PGAP1: variants seen among roughly 807,000 people sequenced by gnomAD.
The protein encoded by PGAP1 is GPI inositol-deacylase.
PGAP1 carries 76 observed loss-of-function variants against 127.0 expected under a neutral mutation model. The observed-to-expected ratio is 0.60, with a 90% confidence interval of 0.50 to 0.72. The LOEUF is 0.72. Among genes scored for constraint, PGAP1 ranks in the 30% least tolerant of loss-of-function variants. The pLI is 0.00. For missense variants in PGAP1, 982 were observed against 1,071.3 expected, an observed-to-expected ratio of 0.92 and a Z score of 1.16; for synonymous variants, 362 against 366.5, an observed-to-expected ratio of 0.99 and a Z score of 0.14.
rs1162513936 is a variant in PGAP1 at position 196,864,113 on chromosome 2, C to T, written c.1861+874G>A. The stretch of plus-strand genomic sequence containing the variant: ...TACTTCTTAAAAAGTAATTTGAGGC[C>T]GGGTCCGGTGGCTCACGCCTGTAGT... On this transcript the variant is annotated intron_variant, in intron 20 of 26. Coordinates refer to ENST00000354764, the MANE Select transcript of PGAP1 (RefSeq NM_024989.4). Among the ~76,000 whole-genome samples the T allele has an allele frequency of 2.6e-5, 4 of 151,636 alleles. No individual in the cohort carries two copies. The South Asian group carries it at 6.3e-4, about 24-fold the overall frequency.
intron 4 of PGAP1, among the ~76,000 whole-genome samples, chr2:196,904,119 C>G (rs925591727): frequency 6.6e-6 from 1 of 152,086 alleles, no homozygotes; most frequent in South Asian, 2.1e-4. Flanking sequence ...TTTTTTCTGC[C>G]TATCTTTAAA....
At chr2:196,890,123 C>T (rs546717217) in intron 10 of PGAP1, among the ~76,000 whole-genome samples, 6 of 151,974 alleles carry the variant, frequency 3.9e-5, no homozygotes, top group South Asian at 2.1e-4. Flanking sequence ...TTTGCAGAGA[C>T]GGGGTTTGAC....
At chr2:196,863,081 G>A (rs960690221) in intron 20 of PGAP1, among the ~76,000 whole-genome samples, 2 of 152,118 alleles carry the variant, frequency 1.3e-5, no homozygotes, top group Non-Finnish European at 2.9e-5. Flanking sequence ...GTGATAATGA[G>A]GATACGGAAA....
chr2:196,884,069 G>T (rs1352123933), intron 12 of PGAP1, among the ~76,000 whole-genome samples: 1 of 152,070 alleles, frequency 6.6e-6, no homozygotes, highest in African/African-American at 2.4e-5. Flanking sequence ...AGATTTAAAA[G>T]AATAATATAA....
At chr2:196,890,805 A>G in intron 10 of PGAP1, 23 bp downstream of exon 10, 1 of 1,384,680 alleles carries the variant, frequency 7.2e-7, no homozygotes, top group South Asian at 1.2e-5. Context: ...TTAAATTTAC[A>G]TAAAATGTAC....
chr2:196,865,157 T>A (rs1029585012), intron 19 of PGAP1, 77 bp from the exon 20 acceptor site: 1 of 790,346 alleles, frequency 1.3e-6, no homozygotes, highest in Non-Finnish European at 2.0e-6. Flanking sequence ...AATTTAAAAG[T>A]TGCTCTTCAA....
rs1398614752 is a variant in PGAP1 at position 196,844,384 on chromosome 2, T to A, written c.2337+140A>T. 4 of 565,384 alleles carry A rather than the reference T, an allele frequency of 7.1e-6. No individual in the cohort carries two copies. The African/African-American group carries it at 7.8e-5, about 11-fold the overall frequency. 35.0% of individuals were successfully genotyped at this position (565,384 alleles called of 1,614,324 possible). A position where few individuals can be genotyped will look rare whatever the true frequency, so the allele number is the denominator to read the frequency against. Reference sequence around the variant, plus strand: ...TGAACTTATAAGTCTTTTAAAATATTCATTAGGTTCACTTTACTTAAATTC... The same window carrying A: ...TGAACTTATAAGTCTTTTAAAATATACATTAGGTTCACTTTACTTAAATTC... On this transcript the variant is annotated intron_variant, in intron 24 of 26. Transcript: ENST00000354764.
rs1231044852 is a variant in PGAP1 at position 196,839,729 on chromosome 2, A to C, written c.*1505T>G. 4 of 152,262 alleles carry C rather than the reference A, an allele frequency of 2.6e-5. No individual in the cohort carries two copies. The East Asian group carries it at 7.7e-4, about 29-fold the overall frequency. 9.4% of individuals were successfully genotyped at this position (152,262 alleles called of 1,614,324 possible). A position where few individuals can be genotyped will look rare whatever the true frequency, so the allele number is the denominator to read the frequency against. ...GTTAGGTAACTCTCTACAGGCAGTA[A>C]GCAGAAGTAACTGTCCACAGGCAGT... On this transcript the variant is annotated 3_prime_UTR_variant, in exon 27 of 27. Transcript: ENST00000354764.
At chr2:196,871,305 AAAT>A (rs1275268547) in intron 18 of PGAP1, among the ~76,000 whole-genome samples, 1 of 152,212 alleles carries the variant, frequency 6.6e-6, no homozygotes, top group Non-Finnish European at 1.5e-5. Flanking sequence ...ATTTAAGCCA[AAAT>A]AATATTTTAA....
Position 196,920,051 on chromosome 2 carries a change from A to C in PGAP1, c.247T>G (p.Leu83Val). ...SYAEEHKILPLTGIPVLFLPG... is the reference protein window; with the variant it reads ...SYAEEHKILPVTGIPVLFLPG... ...AGAAAGAGAACTGGAATACCCGTCA[A>C]AGGGAGAATTTTGTGTTCTTCAGCA... Residue 83 changes from leucine (L) to valine (V), a missense_variant, in exon 2 of 27, where the codon TTG becomes GTG. By Grantham distance (32) the Leu-to-Val change is conservative. Transcript: ENST00000354764. 6.2e-7 allele frequency: 1 copy of C among 1,613,428 alleles called. No homozygotes were observed. The highest frequency in any genetic ancestry group is 8.5e-7 in the Non-Finnish European group (1 of 1,179,612).
Position 196,845,934 on chromosome 2 carries a change from G to A in PGAP1, c.2234C>T (p.Thr745Ile). ...LTIVLIIVSW[T>I]TCGALAILLS... Reference sequence around the variant, plus strand: ...AAGTATGGCTAGTGCTCCACAAGTTGTCCAACTAACTATGATCAAGACAAT... The same window carrying A: ...AAGTATGGCTAGTGCTCCACAAGTTATCCAACTAACTATGATCAAGACAAT... The change falls in exon 23 of 27, where the codon ACA becomes ATA. Residue 745 changes from threonine (T) to isoleucine (I), a missense_variant. Physicochemically the swap from Thr to Ile is moderately conservative, Grantham distance 89. Transcript: ENST00000354764. The A allele has an allele frequency of 6.2e-7, 1 of 1,608,908 alleles. No individual in the cohort carries two copies. Among genetic ancestry groups the A allele is most frequent in the South Asian group, 1.1e-5 (1 of 90,096 alleles).
rs985031212 is a variant in PGAP1 at position 196,900,750 on chromosome 2, C to T, written c.807+1835G>A. On this transcript the variant is annotated intron_variant, in intron 5 of 26. Coordinates refer to ENST00000354764, the MANE Select transcript of PGAP1 (RefSeq NM_024989.4). ...ACCATCCTGGCTAACATGGTGAAAC[C>T]CCATCTCTACTAAAAATACAAAAAA... 2.0e-5 allele frequency among the ~76,000 whole-genome samples: 3 copies of T among 151,898 alleles called. No homozygotes were observed. In the East Asian group the frequency reaches 5.8e-4, roughly 29 times the overall value.
intron 20 of PGAP1, among the ~76,000 whole-genome samples, chr2:196,855,029 C>T (rs1045794326): frequency 2.7e-5 from 4 of 150,640 alleles, no homozygotes; most frequent in Admixed American, 2.7e-4. Flanking sequence ...CCTCAAAAGT[C>T]ATCTTCATAT....
At position 196,839,761 on chromosome 2, in the gene PGAP1, TGA is replaced by T. The variant is rs1279036854; in HGVS notation, c.*1471_*1472del. 1 of 152,222 alleles carries T rather than the reference TGA, an allele frequency of 6.6e-6. No individual in the cohort carries two copies. Among genetic ancestry groups the T allele is most frequent in the Non-Finnish European group, 1.5e-5 (1 of 68,056 alleles). The allele number at this position is 152,222 out of a possible 1,614,324, so 9.4% of individuals were successfully genotyped here. A position where few individuals can be genotyped will look rare whatever the true frequency, so the allele number is the denominator to read the frequency against. On this transcript the variant is annotated 3_prime_UTR_variant, in exon 27 of 27. Coordinates refer to ENST00000354764, the MANE Select transcript of PGAP1 (RefSeq NM_024989.4). ...GTAACTGTCCACAGGCAGTAACAGC[TGA>T]GAGGCTGTAATGGAATCCAGATGCA... is the stretch of plus-strand genomic sequence containing the variant.
At chr2:196,849,192 C>T (rs1370073406) in intron 20 of PGAP1, among the ~76,000 whole-genome samples, 2 of 151,330 alleles carry the variant, frequency 1.3e-5, no homozygotes, top group African/African-American at 2.4e-5. Flanking sequence ...AGACCTTTTT[C>T]AGACTTTCAA....
At chr2:196,861,974 C>T (rs1701083500) in intron 20 of PGAP1, among the ~76,000 whole-genome samples, 1 of 151,016 alleles carries the variant, frequency 6.6e-6, no homozygotes, top group African/African-American at 2.4e-5. Context: ...GTATTAACTG[C>T]ACAAATTGTA....
chr2:196,865,677 T>G (rs1300471995), intron 19 of PGAP1, among the ~76,000 whole-genome samples: 1 of 152,214 alleles, frequency 6.6e-6, no homozygotes, highest in Non-Finnish European at 1.5e-5. Context: ...TATTAACTTT[T>G]TATGTCCTTC....
At chr2:196,860,483 G>A (rs972240037) in intron 20 of PGAP1, among the ~76,000 whole-genome samples, 4 of 152,042 alleles carry the variant, frequency 2.6e-5, no homozygotes, top group African/African-American at 7.2e-5. Context: ...GCAATGGGCC[G>A]AGATCATGCC....
chr2:196,858,396 C>T (rs1183820971), intron 20 of PGAP1, among the ~76,000 whole-genome samples: 5 of 146,846 alleles, frequency 3.4e-5, no homozygotes, highest in East Asian at 1.9e-4. Flanking sequence ...AGCAAGACTC[C>T]GTCTCAAAAA....
Sources: gnomAD v4.1 joint callset for allele counts (sites outside exome capture counted in the v4.1 genomes callset) on GRCh38, gnomAD v4.1.1 for gene constraint, MANE v1.5 for transcripts, NCBI Gene and HGNC (gene_info 2026-07-23, HGNC 2026-07-21) for gene names.